FAM149B1: variants seen among roughly 807,000 people sequenced by gnomAD.
The protein encoded by FAM149B1 is primary cilium assembly protein FAM149B1.
A neutral mutation model predicts 75.3 loss-of-function variants in FAM149B1; 56 were observed. The ratio of observed to expected loss-of-function variants is 0.74; its 90% CI spans 0.60 to 0.93. The LOEUF (loss-of-function observed/expected upper bound fraction) is 0.93, where lower values mean the gene tolerates loss of function less well. Among genes scored for constraint, FAM149B1 ranks in the 40% least tolerant of loss-of-function variants. The pLI is 0.00. For synonymous variants in FAM149B1, 259 were observed against 256.1 expected (o/e 1.01, Z -0.11); for missense variants, 639 against 708.4 (o/e 0.90, Z 1.11).
At chr10:73,180,180 G>C (rs1388220385) in intron 3 of FAM149B1, among the ~76,000 whole-genome samples, 1 of 152,216 alleles carries the variant, frequency 6.6e-6, no homozygotes, top group Non-Finnish European at 1.5e-5. Flanking sequence ...GTAGATCTGA[G>C]ACTTGAAGAC....
intron 3 of FAM149B1, 79 bp downstream of exon 3, chr10:73,178,054 C>T: frequency 7.6e-7 from 1 of 1,319,354 alleles, no homozygotes; most frequent in Non-Finnish European, 1.0e-6. Context: ...TATTTCATTC[C>T]TTCACTCTCC....
intron 3 of FAM149B1, among the ~76,000 whole-genome samples, chr10:73,179,354 C>T (rs562585617): frequency 1.3e-5 from 2 of 152,224 alleles, no homozygotes; most frequent in South Asian, 4.1e-4. Flanking sequence ...TGCATTTCTT[C>T]ACCTAATATT....
At chr10:73,181,503 C>T (rs1385846307) in intron 3 of FAM149B1, among the ~76,000 whole-genome samples, 1 of 152,168 alleles carries the variant, frequency 6.6e-6, no homozygotes, top group Non-Finnish European at 1.5e-5. Context: ...TCTTCATTGA[C>T]CCACTGGTCA....
chr10:73,237,418 A>T (rs1476588008), intron 12 of FAM149B1, among the ~76,000 whole-genome samples: 2 of 151,902 alleles, frequency 1.3e-5, no homozygotes, highest in Non-Finnish European at 2.9e-5. Context: ...AGATTCTCTG[A>T]AACTTTTTTT....
chr10:73,179,369 A>G (rs1430401912), intron 3 of FAM149B1, among the ~76,000 whole-genome samples: 1 of 152,118 alleles, frequency 6.6e-6, no homozygotes, highest in African/African-American at 2.4e-5. Flanking sequence ...AATATTTTAT[A>G]AACACTTCTC....
chr10:73,187,853 C>T (rs1195801770), intron 3 of FAM149B1, among the ~76,000 whole-genome samples: 6 of 151,610 alleles, frequency 4.0e-5, no homozygotes, highest in African/African-American at 1.2e-4. Context: ...AAAGCCAAGG[C>T]GGGTGAATCA....
At position 73,188,788 on chromosome 10, in the gene FAM149B1, A is replaced by AGGAAG. The variant is rs1285245309; in HGVS notation, c.283-3766_283-3762dup. ...AAGGAAGGAAGGAAGGAAGGAAGGA[A>AGGAAG]GGAAGGAAGGAAGGAAGGAAGGAAA... On this transcript the variant is annotated intron_variant, in intron 3 of 13. Coordinates refer to ENST00000242505, the MANE Select transcript of FAM149B1 (RefSeq NM_173348.2). Among the ~76,000 whole-genome samples, 21 of 151,214 alleles carry AGGAAG rather than the reference A, an allele frequency of 1.4e-4. No individual in the cohort carries two copies. In the East Asian group the frequency reaches 4.1e-3, roughly 30 times the overall value.
At chr10:73,194,168 A>G (rs2042742344) in intron 5 of FAM149B1, among the ~76,000 whole-genome samples, 2 of 152,168 alleles carry the variant, frequency 1.3e-5, no homozygotes, top group South Asian at 4.1e-4. Context: ...ACTAAATTTC[A>G]GCGTGAATTT....
intron 6 of FAM149B1, among the ~76,000 whole-genome samples, chr10:73,209,600 C>A (rs1026275759): frequency 6.6e-6 from 1 of 152,142 alleles, no homozygotes; most frequent in Non-Finnish European, 1.5e-5. Context: ...TATGATTTAT[C>A]TTCTTTACTG....
At chr10:73,237,757 G>T (rs2043853217) in intron 12 of FAM149B1, among the ~76,000 whole-genome samples, 2 of 151,688 alleles carry the variant, frequency 1.3e-5, no homozygotes, top group Admixed American at 1.3e-4. Flanking sequence ...AAAGTATCTC[G>T]CTACATCACC....
chr10:73,204,771 CTTTTTTT>C lies in FAM149B1; in HGVS notation c.543-3830_543-3824del, dbSNP rs772508767. 8.3e-4 allele frequency among the ~76,000 whole-genome samples: 77 copies of C among 92,944 alleles called. 1 individual carries two copies. The highest frequency in any genetic ancestry group is 3.2e-3 in the African/African-American group (69 of 21,846). The allele number at this position is 92,944 out of a possible 152,430, so 61.0% of individuals were successfully genotyped here. A position where few individuals can be genotyped will look rare whatever the true frequency, so the allele number is the denominator to read the frequency against. On this transcript the variant is annotated intron_variant, in intron 5 of 13. Coordinates refer to ENST00000242505, the MANE Select transcript of FAM149B1 (RefSeq NM_173348.2). ...AGATGTAATTATAAATGTGATTATT[CTTTTTTT>C]TTTTTTTTTTTTTTTTTGAGACGGA...
rs3736519 is a variant in FAM149B1 at position 73,208,806 on chromosome 10, A to T, written c.710+20A>T. 2.1e-6 allele frequency: 3 copies of T among 1,395,760 alleles called. No homozygotes were observed. The South Asian group carries it at 5.4e-5, about 25-fold the overall frequency. The allele number at this position is 1,395,760 out of a possible 1,614,324, so 86.5% of individuals were successfully genotyped here. A position where few individuals can be genotyped will look rare whatever the true frequency, so the allele number is the denominator to read the frequency against. On this transcript the variant is annotated intron_variant, in intron 6 of 13. Transcript: ENST00000242505. ...AGATATGTGAGTATTATGCCTTTTA[A>T]GCTTTTTACTCCCCTCTTATTTTGT...
At chr10:73,174,841 A>G in intron 2 of FAM149B1, 50 bp downstream of exon 2, 1 of 1,324,978 alleles carries the variant, frequency 7.5e-7, no homozygotes, top group Non-Finnish European at 1.1e-6. Context: ...CTCATGGCAG[A>G]GGTTTTGTTT....
In FAM149B1 at chr10:73,230,541, T is replaced by A; in HGVS notation, c.1127+16T>A. ...ACAAGCTCCTGTAAGAAGTTCAACA[T>A]TTTCAGACTATACAGTGTAAAAGGG... On this transcript the variant is annotated intron_variant, in intron 9 of 13. Coordinates refer to ENST00000242505, the MANE Select transcript of FAM149B1 (RefSeq NM_173348.2). 1 of 1,318,638 alleles carries A rather than the reference T, an allele frequency of 7.6e-7. No individual in the cohort carries two copies. Among genetic ancestry groups the A allele is most frequent in the Non-Finnish European group, 1.1e-6 (1 of 934,852 alleles). 81.7% of individuals were successfully genotyped at this position (1,318,638 alleles called of 1,614,324 possible). A position where few individuals can be genotyped will look rare whatever the true frequency, so the allele number is the denominator to read the frequency against.
rs1314445081 is a variant in FAM149B1 at position 73,243,862 on chromosome 10, C to A, written c.*2843C>A. 1 of 1,613,944 alleles carries A rather than the reference C, an allele frequency of 6.2e-7. No individual in the cohort carries two copies. Among genetic ancestry groups the A allele is most frequent in the East Asian group, 2.2e-5 (1 of 44,866 alleles). ...GTTTACCTGAATGGCTGCCTTCAGGCTATCCACGCCTTCATCAAGCCCCAA... is the reference window on the plus strand; with the variant it reads ...GTTTACCTGAATGGCTGCCTTCAGGATATCCACGCCTTCATCAAGCCCCAA... On this transcript the variant is annotated 3_prime_UTR_variant, in exon 14 of 14. Transcript: ENST00000242505.
At chr10:73,176,571 ATG>A in intron 2 of FAM149B1, among the ~76,000 whole-genome samples, 1 of 152,278 alleles carries the variant, frequency 6.6e-6, no homozygotes, top group African/African-American at 2.4e-5. Context: ...CTGAGATGCA[ATG>A]TGTGATTAAA....
chr10:73,198,960 CT>C (rs1015212759), intron 5 of FAM149B1, among the ~76,000 whole-genome samples: 27 of 152,114 alleles, frequency 1.8e-4, no homozygotes, highest in Non-Finnish European at 3.7e-4. Flanking sequence ...CCTGGAGGGC[CT>C]TGCAGTAATC....
At chr10:73,199,355 C>G (rs1345628375) in intron 5 of FAM149B1, among the ~76,000 whole-genome samples, 3 of 151,814 alleles carry the variant, frequency 2.0e-5, no homozygotes, top group African/African-American at 7.3e-5. Context: ...GTAGCTGGGA[C>G]TACAGGCGCC....
rs557070470 is a variant in FAM149B1 at position 73,179,152 on chromosome 10, A to G, written c.282+1177A>G. On this transcript the variant is annotated intron_variant, in intron 3 of 13. Coordinates refer to ENST00000242505, the MANE Select transcript of FAM149B1 (RefSeq NM_173348.2). The stretch of plus-strand genomic sequence containing the variant: ...GCTAATTTTTGTATTTTCAGTAGAG[A>G]CAGGGTTTCACCATGTTGGCCAGGA... Among the ~76,000 whole-genome samples, 4 of 152,146 alleles carry G rather than the reference A, an allele frequency of 2.6e-5. No individual in the cohort carries two copies. The South Asian group carries it at 8.3e-4, about 32-fold the overall frequency.
Sources: gnomAD v4.1 joint callset for allele counts (sites outside exome capture counted in the v4.1 genomes callset) on GRCh38, gnomAD v4.1.1 for gene constraint, MANE v1.5 for transcripts, NCBI Gene and HGNC (gene_info 2026-07-23, HGNC 2026-07-21) for gene names.